DOCK2: variants seen among roughly 807,000 people sequenced by gnomAD.
DOCK2 encodes the protein dedicator of cytokinesis 2.
DOCK2 carries 87 observed loss-of-function variants against 248.9 expected under a neutral mutation model. The observed-to-expected ratio is 0.35, with a 90% CI of 0.29 to 0.42. The LOEUF (loss-of-function observed/expected upper bound fraction) is 0.42. Ranked by LOEUF, DOCK2 falls within the 10% of genes least tolerant of loss-of-function variation. The pLI is 1.00. For missense variants in DOCK2, 1,747 were observed against 2,300.2 expected (o/e 0.76, Z 4.92); for synonymous variants, 805 against 821.6 (o/e 0.98, Z 0.35).
At chr5:169,862,817 G>T (rs773517162) in intron 27 of DOCK2, among the ~76,000 whole-genome samples, 2 of 152,200 alleles carry the variant, frequency 1.3e-5, no homozygotes, top group Non-Finnish European at 2.9e-5. Context: ...GGCTCAATTT[G>T]CAGTGGGGTA....
intron 28 of DOCK2, 145 bp downstream of exon 28, chr5:169,983,311 G>C: frequency 1.2e-6 from 1 of 844,032 alleles, no homozygotes; most frequent in South Asian, 1.7e-5. Context: ...AGACATTTTG[G>C]GGTTTAAGAG....
At chr5:169,699,833 G>A (rs1474406294) in intron 12 of DOCK2, among the ~76,000 whole-genome samples, 181 bp from the exon 13 acceptor site, 1 of 152,238 alleles carries the variant, frequency 6.6e-6, no homozygotes, top group Non-Finnish European at 1.5e-5. Context: ...GAAATCATTA[G>A]CGGGATTCAG....
chr5:169,686,676 A>G (rs1005580144), intron 8 of DOCK2, among the ~76,000 whole-genome samples: 1 of 152,222 alleles, frequency 6.6e-6, no homozygotes, highest in Non-Finnish European at 1.5e-5. Context: ...CAGGATCGAC[A>G]TACAGTGAAC....
At chr5:169,780,197 C>A (rs1341383227) in intron 25 of DOCK2, among the ~76,000 whole-genome samples, 1 of 152,038 alleles carries the variant, frequency 6.6e-6, no homozygotes, top group Non-Finnish European at 1.5e-5. Flanking sequence ...CTGGTGATTG[C>A]CACCTTCCCC....
chr5:169,861,229 G>A (rs1771178499), intron 27 of DOCK2, among the ~76,000 whole-genome samples: 1 of 152,138 alleles, frequency 6.6e-6, no homozygotes, highest in Non-Finnish European at 1.5e-5. Context: ...CTTGCCCTTA[G>A]GACCATTGAG....
At position 169,695,856 on chromosome 5, in the gene DOCK2, A is replaced by G; in HGVS notation, c.897A>G (p.Ile299Met). The G allele has an allele frequency of 6.2e-7, 1 of 1,614,052 alleles. No individual in the cohort carries two copies. Residue 299 changes from isoleucine (I) to methionine (M), a missense_variant, in exon 10 of 52, where the codon ATA (isoleucine) becomes ATG (methionine). By Grantham distance (10) the Ile-to-Met change is conservative. This residue lies in a region of DOCK2 where 375 missense variants were observed against 510.9 expected (regional missense o/e 0.73). Coordinates refer to ENST00000520908, the MANE Select transcript of DOCK2 (RefSeq NM_004946.3). ...NRDKIYLICQ[I>M]VRVGKMDLKD... ...ATAAAATTTACTTGATTTGTCAAAT[A>G]GTCCGGGTCGGCAAGATGGATCTTA... is the stretch of plus-strand genomic sequence containing the variant.
At chr5:169,648,681 A>G (rs536998994) in intron 1 of DOCK2, among the ~76,000 whole-genome samples, 4 of 152,316 alleles carry the variant, frequency 2.6e-5, no homozygotes, top group East Asian at 3.9e-4. Flanking sequence ...GCACTACCTC[A>G]GTTTCCTCAT....
intron 21 of DOCK2, among the ~76,000 whole-genome samples, chr5:169,717,909 A>G (rs751637800): frequency 3.4e-4 from 52 of 152,186 alleles, no homozygotes; most frequent in Non-Finnish European, 6.5e-4. Context: ...TAAAAATACA[A>G]AAATTAGCTG....
chr5:170,053,631 C>T (rs1420966908), intron 41 of DOCK2, among the ~76,000 whole-genome samples: 2 of 152,174 alleles, frequency 1.3e-5, no homozygotes, highest in East Asian at 3.9e-4. Context: ...CTGTTGGCCA[C>T]ATGGCTTGAG....
intron 32 of DOCK2, among the ~76,000 whole-genome samples, chr5:170,011,102 A>C (rs138895312): frequency 9.2e-4 from 140 of 152,306 alleles, no homozygotes; most frequent in Non-Finnish European, 1.7e-3. Flanking sequence ...GAGGACCAAT[A>C]AAAAAATTCT....
intron 2 of DOCK2, among the ~76,000 whole-genome samples, chr5:169,659,970 T>C (rs1190315377): frequency 6.6e-6 from 1 of 152,210 alleles, no homozygotes; most frequent in Non-Finnish European, 1.5e-5. Context: ...TTCTTCTGTT[T>C]CCCCAGTTTG....
intron 27 of DOCK2, among the ~76,000 whole-genome samples, chr5:169,972,388 C>T (rs565743715): frequency 6.6e-6 from 1 of 152,264 alleles, no homozygotes; most frequent in South Asian, 2.1e-4. Context: ...TTTGTGGGGG[C>T]TATCCTATGT....
chr5:169,778,038 CT>C (rs1765479762), intron 25 of DOCK2, among the ~76,000 whole-genome samples: 1 of 152,220 alleles, frequency 6.6e-6, no homozygotes. Flanking sequence ...CCTAAGCTAA[CT>C]GTAACCTAGG....
chr5:169,791,278 A>G (rs944572228), intron 25 of DOCK2, among the ~76,000 whole-genome samples: 1 of 152,212 alleles, frequency 6.6e-6, no homozygotes, highest in Non-Finnish European at 1.5e-5. Context: ...AATGGCTTGA[A>G]GTCATGATTG....
chr5:170,066,535 G>A (rs1018181576), intron 44 of DOCK2, among the ~76,000 whole-genome samples: 1 of 152,144 alleles, frequency 6.6e-6, no homozygotes, highest in African/African-American at 2.4e-5. Context: ...CTACATTTTA[G>A]ATCGTAATGG....
chr5:170,025,801 T>G (rs1415532409), intron 33 of DOCK2, among the ~76,000 whole-genome samples: 1 of 69,618 alleles, frequency 1.4e-5, no homozygotes, highest in South Asian at 7.9e-4. Flanking sequence ...CCTTCCTTCC[T>G]TCCTTCCTTC....
intron 2 of DOCK2, among the ~76,000 whole-genome samples, chr5:169,665,412 G>A (rs1758664045): frequency 6.7e-6 from 1 of 149,816 alleles, no homozygotes; most frequent in Non-Finnish European, 1.5e-5. Context: ...TTATATATGT[G>A]TGTGTATATT....
chr5:169,817,272 G>A (rs1768122010), intron 26 of DOCK2, among the ~76,000 whole-genome samples: 4 of 152,170 alleles, frequency 2.6e-5, no homozygotes, highest in Admixed American at 2.6e-4. Flanking sequence ...TCTTGTCATG[G>A]TAGGCCTTTC....
At chr5:169,655,300 G>T (rs1581392422) in intron 2 of DOCK2, among the ~76,000 whole-genome samples, 1 of 152,184 alleles carries the variant, frequency 6.6e-6, no homozygotes, top group African/African-American at 2.4e-5. Context: ...AGGGCACAGA[G>T]CCTGGGCTTC....
Sources: gnomAD v4.1 joint callset for allele counts (sites outside exome capture counted in the v4.1 genomes callset) on GRCh38, gnomAD v4.1.1 for gene constraint, gnomAD v4.1.1 regional missense constraint, MANE v1.5 for transcripts, NCBI Gene and HGNC (gene_info 2026-07-23, HGNC 2026-07-21) for gene names.